ELOVL4: variants seen among roughly 807,000 people sequenced by gnomAD.
ELOVL4 encodes very long chain fatty acid elongase 4.
A neutral mutation model predicts 42.1 loss-of-function variants in ELOVL4; 18 were observed. The observed-to-expected ratio is 0.43, with a 90% CI of 0.30 to 0.63. ELOVL4 has a LOEUF of 0.63. ELOVL4 is among the 30% of genes least tolerant of loss of function. The probability of loss-of-function intolerance (pLI) is 0.15; values close to 1 mark genes in which losing one functional copy is unlikely to be tolerated. For synonymous variants in ELOVL4, 117 were observed against 127.0 expected (o/e 0.92, Z 0.53); for missense variants, 299 against 376.2 (o/e 0.79, Z 1.70).
chr6:79,941,949 T>C (rs1774653385), intron 1 of ELOVL4, among the ~76,000 whole-genome samples: 1 of 152,126 alleles, frequency 6.6e-6, no homozygotes, highest in South Asian at 2.1e-4. Flanking sequence ...GCACAGGAAA[T>C]ACGTGAGTAA....
Position 79,921,779 on chromosome 6 carries a change from C to T in ELOVL4, c.387G>A (p.Trp129Ter), listed in dbSNP as rs2127698531. ...CAACTCCTTTAGATACAAAGTACCA[C>T]CACAGAGCAGCAGCTATCTGTAAAA... ...VHEVRIAAAL[W>*]WYFVSKGVEY... is the part of the protein sequence containing the mutation. Residue 129 changes from tryptophan (W) to a stop codon, truncating the protein, a stop_gained, in exon 4 of 6, where the codon TGG becomes TGA. Transcript: ENST00000369816. LOFTEE classifies it high-confidence loss of function. 6.2e-7 allele frequency: 1 copy of T among 1,613,984 alleles called. No homozygotes were observed. Among genetic ancestry groups the T allele is most frequent in the Non-Finnish European group, 8.5e-7 (1 of 1,179,952 alleles).
In ELOVL4 at chr6:79,926,118, A is replaced by C. The variant is rs990828815; in HGVS notation, c.288+76T>G. The C allele has an allele frequency of 6.9e-6, 9 of 1,298,076 alleles. No individual in the cohort carries two copies. The Admixed American group carries it at 9.3e-5, about 13-fold the overall frequency. The allele number at this position is 1,298,076 out of a possible 1,614,324, so 80.4% of individuals were successfully genotyped here. ...AGTTATGTCTGGGTAAAATATTACA[A>C]TGATGGTTTTACACATTCTCATTTT... On this transcript the variant is annotated intron_variant, in intron 2 of 5. Coordinates refer to ENST00000369816, the MANE Select transcript of ELOVL4 (RefSeq NM_022726.4).
intron 3 of ELOVL4, among the ~76,000 whole-genome samples, chr6:79,922,958 C>T (rs1452536571): frequency 6.6e-6 from 1 of 152,074 alleles, no homozygotes; most frequent in Non-Finnish European, 1.5e-5. Context: ...TAGTTAACTA[C>T]TCCCAGCAAC....
intron 1 of ELOVL4, among the ~76,000 whole-genome samples, chr6:79,939,101 T>A (rs1427378643): frequency 6.6e-6 from 1 of 152,244 alleles, no homozygotes. Flanking sequence ...TCTTTCTTGT[T>A]ATTTGCTACT....
At position 79,925,279 on chromosome 6, in the gene ELOVL4, A is replaced by G. The variant is rs1379808245; in HGVS notation, c.289-247T>C. 5.3e-5 allele frequency among the ~76,000 whole-genome samples: 8 copies of G among 152,274 alleles called. No homozygotes were observed. The East Asian group carries it at 1.3e-3, about 26-fold the overall frequency. On this transcript the variant is annotated intron_variant, in intron 2 of 5. Transcript: ENST00000369816. ...TACTGAACATTGACTCTATCTATTA[A>G]ATACTTCACAGTATTAAGAGAAATT...
chr6:79,935,325 T>C (rs1774524859), intron 1 of ELOVL4, among the ~76,000 whole-genome samples: 1 of 152,088 alleles, frequency 6.6e-6, no homozygotes, highest in South Asian at 2.1e-4. Flanking sequence ...CTTCCCCAAG[T>C]AAGCTAAGCT....
At chr6:79,923,340 C>T (rs1774289052) in intron 3 of ELOVL4, among the ~76,000 whole-genome samples, 1 of 152,144 alleles carries the variant, frequency 6.6e-6, no homozygotes, top group Non-Finnish European at 1.5e-5. Flanking sequence ...TCCTAGATTA[C>T]AGTTCTCATA....
chr6:79,943,698 T>A (rs1774687710), intron 1 of ELOVL4, among the ~76,000 whole-genome samples: 1 of 152,054 alleles, frequency 6.6e-6, no homozygotes, highest in Non-Finnish European at 1.5e-5. Flanking sequence ...TGACCAAGTG[T>A]CCTCCTTTCC....
rs1561985136 is a variant in ELOVL4, at chr6:79,925,044, GTAA to G, written c.289-15_289-13del. ...GATCCCATGAATAACTGGAAAAAGA[GTAA>G]TAATATTTGTAGTAAAGTTTTAGTA... On this transcript the variant is annotated splice_polypyrimidine_tract_variant and intron_variant, in intron 2 of 5. Coordinates refer to ENST00000369816, the MANE Select transcript of ELOVL4 (RefSeq NM_022726.4). 1 of 1,552,514 alleles carries G rather than the reference GTAA, an allele frequency of 6.4e-7. No homozygotes were observed. Among genetic ancestry groups the G allele is most frequent in the East Asian group, 2.3e-5 (1 of 44,434 alleles).
intron 1 of ELOVL4, among the ~76,000 whole-genome samples, chr6:79,933,442 G>A (rs1189397486): frequency 6.6e-6 from 1 of 152,008 alleles, no homozygotes; most frequent in Admixed American, 6.6e-5. Context: ...TGTTGCTCAG[G>A]CTGGCCCTGA....
chr6:79,937,284 T>G (rs187139628), intron 1 of ELOVL4, among the ~76,000 whole-genome samples: 18 of 152,194 alleles, frequency 1.2e-4, no homozygotes. Context: ...GAAAAAGAAT[T>G]TTCATTGCAA....
intron 1 of ELOVL4, among the ~76,000 whole-genome samples, chr6:79,929,158 C>T (rs1377712135): frequency 8.3e-6 from 1 of 120,582 alleles, no homozygotes; most frequent in Non-Finnish European, 1.6e-5. Context: ...AAACGAATCA[C>T]CAGGTTGGGG....
At chr6:79,922,907 T>C (rs1368103317) in intron 3 of ELOVL4, among the ~76,000 whole-genome samples, 1 of 152,196 alleles carries the variant, frequency 6.6e-6, no homozygotes, top group East Asian at 1.9e-4. Context: ...TTGAAAAATA[T>C]CATTAAAAAT....
Position 79,921,459 on chromosome 6 carries a change from C to CAAAA in ELOVL4, c.541+162_541+165dup, listed in dbSNP as rs1168483827. ...CTGGTGACAGAGCGAGACTCCATCTCAAAAAAAAAAAAAAAAAAAAAAAAA... is the reference window on the plus strand; with the variant it reads ...CTGGTGACAGAGCGAGACTCCATCTCAAAAAAAAAAAAAAAAAAAAAAAAAAAAA... On this transcript the variant is annotated intron_variant, in intron 4 of 5. Coordinates refer to ENST00000369816, the MANE Select transcript of ELOVL4 (RefSeq NM_022726.4). Among the ~76,000 whole-genome samples the CAAAA allele has an allele frequency of 7.3e-3, 308 of 42,438 alleles. 3 individuals carry two copies. Among genetic ancestry groups the CAAAA allele is most frequent in the Middle Eastern group, 0.023 (1 of 44 alleles). 27.8% of individuals were successfully genotyped at this position (42,438 alleles called of 152,430 possible). A position where few individuals can be genotyped will look rare whatever the true frequency, so the allele number is the denominator to read the frequency against.
chr6:79,943,407 T>C (rs1024721896), intron 1 of ELOVL4, among the ~76,000 whole-genome samples: 1 of 152,194 alleles, frequency 6.6e-6, no homozygotes, highest in Non-Finnish European at 1.5e-5. Context: ...CCTTTTGCCC[T>C]AGTATGCCTC....
intron 1 of ELOVL4, among the ~76,000 whole-genome samples, chr6:79,929,227 GC>G (rs1774402337): frequency 6.6e-6 from 1 of 151,914 alleles, no homozygotes; most frequent in Non-Finnish European, 1.5e-5. Context: ...CAGATATGCA[GC>G]CCATTTCTTT....
At chr6:79,924,926 AT>A in intron 3 of ELOVL4, 25 bp downstream of exon 3, 1 of 1,434,088 alleles carries the variant, frequency 7.0e-7, no homozygotes, top group Non-Finnish European at 9.8e-7. Flanking sequence ...ACTTTTACTG[AT>A]TAAGAGTATT....
At position 79,926,307 on chromosome 6, in the gene ELOVL4, A is replaced by T. The variant is rs1365265798; in HGVS notation, c.175T>A (p.Phe59Ile). 2 of 1,613,940 alleles carry T rather than the reference A, an allele frequency of 1.2e-6. No homozygotes were observed. Among genetic ancestry groups the T allele is most frequent in the Non-Finnish European group, 8.5e-7 (1 of 1,179,978 alleles). The change falls in exon 2 of 6, where the codon TTT becomes ATT. Residue 59 changes from phenylalanine to isoleucine, a missense_variant. By Grantham distance (21) the Phe-to-Ile change is conservative. Transcript: ENST00000369816. ...TLSISTLYLL[F>I]VWLGPKWMKD... is the part of the protein sequence containing the mutation. ...ATCCATTTTGGACCCAGCCACACAA[A>T]CAGGAGATAAAGAGTGCTTATACTT...
intron 1 of ELOVL4, among the ~76,000 whole-genome samples, chr6:79,929,534 C>G (rs1232949013): frequency 1.3e-5 from 2 of 152,122 alleles, no homozygotes; most frequent in Non-Finnish European, 2.9e-5. Context: ...AGCCACCATG[C>G]CCAGCCCATG....
Sources: allele counts gnomAD v4.1 joint callset (sites outside exome capture counted in the v4.1 genomes callset), GRCh38; gene constraint gnomAD v4.1.1; transcripts MANE v1.5; gene names NCBI Gene and HGNC (gene_info 2026-07-23, HGNC 2026-07-21).